Variants in SDCBP2 observed in about 807,000 individuals in gnomAD.
SDCBP2 encodes syndecan binding protein 2, also known as syntenin-2.
Under a neutral mutation model 30.7 loss-of-function variants are expected in SDCBP2, and 28 were observed. The ratio of observed to expected loss-of-function variants is 0.91; its 90% CI spans 0.68 to 1.25. The LOEUF (loss-of-function observed/expected upper bound fraction) is 1.25, where lower values mean the gene tolerates loss of function less well. SDCBP2 is among the 50% of genes most tolerant of loss of function. SDCBP2 has a pLI of 0.00. For synonymous variants in SDCBP2, 166 were observed against 157.3 expected (o/e 1.06, Z -0.41); for missense variants, 399 against 379.0 (o/e 1.05, Z -0.44).
chr20:1,319,294 G>A (rs1474741353), intron 3 of SDCBP2, among the ~76,000 whole-genome samples: 1 of 152,210 alleles, frequency 6.6e-6, no homozygotes, highest in Non-Finnish European at 1.5e-5. Context: ...GGGGGCATCA[G>A]AGAAGCCATA....
At chr20:1,318,267 G>T (rs377518473) in intron 4 of SDCBP2, 51 bp downstream of exon 4, 9 of 1,232,552 alleles carry the variant, frequency 7.3e-6, no homozygotes, top group East Asian at 2.3e-5. Flanking sequence ...CCAGGAAAAA[G>T]GGAGGATTGG....
chr20:1,310,927 T>C (rs111705610), intron 7 of SDCBP2, 36 bp from the exon 8 acceptor site: 66 of 1,544,222 alleles, frequency 4.3e-5, no homozygotes, highest in African/African-American at 2.9e-4. Flanking sequence ...ACCCTAAGGA[T>C]TGGGGACCAG....
In SDCBP2 at chr20:1,319,649, C is replaced by T. The variant is rs981600553; in HGVS notation, c.65G>A (p.Arg22Lys). ...CAGGGCTGGCATCTTGGGTGAGGCT[C>T]TGACCTGGGCCTGGGGAGGAGCAGG... is the stretch of plus-strand genomic sequence containing the variant. ...KVDQAIQAQV[R>K]ASPKMPALPV... Residue 22 changes from arginine (R) to lysine (K), a missense_variant, in exon 3 of 9, where the codon AGA (arginine) becomes AAA (lysine). Coordinates refer to ENST00000360779, the MANE Select transcript of SDCBP2 (RefSeq NM_080489.5). 1.9e-6 allele frequency: 3 copies of T among 1,565,848 alleles called. No individual in the cohort carries two copies. In the East Asian group the frequency reaches 6.9e-5, roughly 36 times the overall value.
At position 1,320,614 on chromosome 20, in the gene SDCBP2, C is replaced by A. The variant is rs1213660460; in HGVS notation, c.-19-179G>T. 2 of 511,684 alleles carry A rather than the reference C, an allele frequency of 3.9e-6. No homozygotes were observed. The highest frequency in any genetic ancestry group is 7.0e-6 in the Non-Finnish European group (2 of 285,216). The allele number at this position is 511,684 out of a possible 1,614,324, so 31.7% of individuals were successfully genotyped here. The stretch of plus-strand genomic sequence containing the variant: ...ATCCCCTGTCGATATTTGAACTCTA[C>A]TGTATTCCACTCATCTCCAGCCTCA... On this transcript the variant is annotated intron_variant, in intron 1 of 8. Transcript: ENST00000360779. This position sits in a 1 kb window ranked among gnomAD's most constrained non-coding sequence, Gnocchi z 4.7.
Position 1,310,419 on chromosome 20 carries a change from C to T in SDCBP2, c.*22G>A, listed in dbSNP as rs200398092. On this transcript the variant is annotated 3_prime_UTR_variant, in exon 9 of 9. Coordinates refer to ENST00000360779, the MANE Select transcript of SDCBP2 (RefSeq NM_080489.5). ...GCAGGAGGGCGGGAAGCCCCCCCTG[C>T]CTGCCCTGCCCTGCAGTGGCTTCAG... The T allele has an allele frequency of 1.3e-5, 21 of 1,611,938 alleles. No homozygotes were observed. Among genetic ancestry groups the T allele is most frequent in the Non-Finnish European group, 1.7e-5 (20 of 1,179,324 alleles).
In SDCBP2 at chr20:1,312,360, C is replaced by T. The variant is rs773190093; in HGVS notation, c.709G>A (p.Gly237Arg). 2.2e-5 allele frequency: 36 copies of T among 1,613,290 alleles called. 1 individual carries two copies. The East Asian group carries it at 5.1e-4, about 23-fold the overall frequency. Residue 237 changes from glycine to arginine, a missense_variant, in exon 7 of 9, where the codon GGG (glycine) becomes AGG (arginine). Coordinates refer to ENST00000360779, the MANE Select transcript of SDCBP2 (RefSeq NM_080489.5). ...LTNHYVCEVDGQNVIGLKDKK... is the reference protein window; with the variant it reads ...LTNHYVCEVDRQNVIGLKDKK... ...ACCTTCAGCCCGATAACATTCTGCC[C>T]GTCCACCTCACACACGTAGTGGTTG...
rs949932871 is a variant in SDCBP2, at chr20:1,313,054, C to A, written c.384+286G>T. ...CTTCCCTGGCGTCGGCTGTCTACAC[C>A]GTCGCCTGGAAGCTAGATGCCCTGG... On this transcript the variant is annotated intron_variant, in intron 5 of 8. Coordinates refer to ENST00000360779, the MANE Select transcript of SDCBP2 (RefSeq NM_080489.5). The surrounding 1 kb of genome is among the most constrained non-coding windows in gnomAD (Gnocchi z 5.2). 18 of 587,506 alleles carry A rather than the reference C, an allele frequency of 3.1e-5. No individual in the cohort carries two copies. Among genetic ancestry groups the A allele is most frequent in the Non-Finnish European group, 4.5e-5 (15 of 330,540 alleles). 36.4% of individuals were successfully genotyped at this position (587,506 alleles called of 1,614,324 possible).
In SDCBP2 at chr20:1,313,024, A is replaced by T. The variant is rs2088703792; in HGVS notation, c.385-262T>A. ...ACTCCACTGTACCATTCACAAAGGCATGGGCTTCCCTGGCGTCGGCTGTCT... is the reference window on the plus strand; with the variant it reads ...ACTCCACTGTACCATTCACAAAGGCTTGGGCTTCCCTGGCGTCGGCTGTCT... On this transcript the variant is annotated intron_variant, in intron 5 of 8. Transcript: ENST00000360779. This position sits in a 1 kb window ranked among gnomAD's most constrained non-coding sequence, Gnocchi z 5.2. 1 of 586,274 alleles carries T rather than the reference A, an allele frequency of 1.7e-6. No individual in the cohort carries two copies. The highest frequency in any genetic ancestry group is 3.0e-6 in the Non-Finnish European group (1 of 330,432). 36.3% of individuals were successfully genotyped at this position (586,274 alleles called of 1,614,324 possible). A position where few individuals can be genotyped will look rare whatever the true frequency, so the allele number is the denominator to read the frequency against.
At chr20:1,319,454 G>T in intron 3 of SDCBP2, 136 bp downstream of exon 3, 1 of 951,762 alleles carries the variant, frequency 1.1e-6, no homozygotes, top group Non-Finnish European at 1.6e-6. Context: ...GCAACTGGAA[G>T]CCTGGTCCTC....
intron 4 of SDCBP2, among the ~76,000 whole-genome samples, chr20:1,314,992 C>T (rs2088754764): frequency 6.6e-6 from 1 of 152,072 alleles, no homozygotes; most frequent in African/African-American, 2.4e-5. Context: ...TTTGCAGATC[C>T]AGGGAAGGTT....
intron 7 of SDCBP2, among the ~76,000 whole-genome samples, chr20:1,311,900 C>CTTTTTT (rs11471529): frequency 0.22 from 26,772 of 120,842 alleles, 3,963 homozygotes; most frequent in Non-Finnish European, 0.26. Flanking sequence ...GGTACACTGT[C>CTTTTTT]TTTTTTTTTT....
intron 1 of SDCBP2, chr20:1,323,441 T>A (rs965403847): frequency 1.3e-5 from 2 of 152,328 alleles, no homozygotes; most frequent in South Asian, 2.1e-4. Flanking sequence ...TTTTGTCAGC[T>A]GTCCCCTGGG....
chr20:1,311,909 T>TTTTTTC (rs940038143), intron 7 of SDCBP2, among the ~76,000 whole-genome samples: 1 of 148,866 alleles, frequency 6.7e-6, no homozygotes, highest in Non-Finnish European at 1.5e-5. Context: ...TCTTTTTTTT[T>TTTTTTC]TTTTTTTGGA....
At position 1,310,865 on chromosome 20, in the gene SDCBP2, G is replaced by C; in HGVS notation, c.759C>G (p.Ala253=). Residue 253 remains alanine (A), a synonymous_variant, in exon 8 of 9, where the codon GCC becomes GCG. Coordinates refer to ENST00000360779, the MANE Select transcript of SDCBP2 (RefSeq NM_080489.5). Reference sequence around the variant, plus strand: ...TCAGGGTGACAACGTTCCCAGCCGTGGCCAGAATCTCCATGATCTTTTTGT... The same window carrying C: ...TCAGGGTGACAACGTTCCCAGCCGTCGCCAGAATCTCCATGATCTTTTTGT... ...LKDKKIMEIL[A]TAGNVVTLTI... The C allele has an allele frequency of 6.2e-7, 1 of 1,613,980 alleles. No individual in the cohort carries two copies. The highest frequency in any genetic ancestry group is 8.5e-7 in the Non-Finnish European group (1 of 1,179,940).
At chr20:1,314,775 C>CA (rs2088751217) in intron 4 of SDCBP2, among the ~76,000 whole-genome samples, 1 of 152,012 alleles carries the variant, frequency 6.6e-6, no homozygotes, top group Non-Finnish European at 1.5e-5. Context: ...ACAAGAACAA[C>CA]AAAAAGAAAT....
At chr20:1,311,524 C>G (rs2088668947) in intron 7 of SDCBP2, among the ~76,000 whole-genome samples, 1 of 152,254 alleles carries the variant, frequency 6.6e-6, no homozygotes, top group Admixed American at 6.5e-5. Flanking sequence ...CTCTGGCCCT[C>G]ACTCAGAGCC....
intron 4 of SDCBP2, among the ~76,000 whole-genome samples, chr20:1,315,610 T>C (rs2088765455): frequency 6.6e-6 from 1 of 151,970 alleles, no homozygotes; most frequent in South Asian, 2.1e-4. Context: ...GAAACCTAAC[T>C]CCTTACAAAA....
chr20:1,327,584 C>T (rs571751277), intron 1 of SDCBP2, among the ~76,000 whole-genome samples: 1 of 152,262 alleles, frequency 6.6e-6, no homozygotes, highest in Non-Finnish European at 1.5e-5. Flanking sequence ...CAAGCAGACA[C>T]GCCTGAACCC....
chr20:1,311,766 T>A (rs1413719740), intron 7 of SDCBP2, among the ~76,000 whole-genome samples: 1 of 152,170 alleles, frequency 6.6e-6, no homozygotes, highest in East Asian at 1.9e-4. Context: ...ATTCCTAAAC[T>A]ACTGAACATG....
Sources: gnomAD v4.1 joint callset for allele counts (sites outside exome capture counted in the v4.1 genomes callset) on GRCh38, gnomAD v4.1.1 for gene constraint, Gnocchi (gnomAD v3.1) non-coding constraint, MANE v1.5 for transcripts, NCBI Gene and HGNC (gene_info 2026-07-23, HGNC 2026-07-21) for gene names.